PCBP3: variants seen among roughly 807,000 people sequenced by gnomAD.
PCBP3 encodes poly(rC) binding protein 3.
In PCBP3, 25 loss-of-function variants were observed where a neutral mutation model predicts 52.7. The observed-to-expected ratio is 0.47, with a 90% confidence interval of 0.35 to 0.66. The LOEUF is 0.66. PCBP3 is among the 30% of genes least tolerant of loss of function. PCBP3 has a pLI of 0.01. For synonymous variants in PCBP3, 162 were observed against 183.0 expected (o/e 0.89, Z 0.93); for missense variants, 391 against 490.3 (o/e 0.80, Z 1.91).
intron 15 of PCBP3, among the ~76,000 whole-genome samples, chr21:45,933,918 G>T (rs894522833): frequency 6.6e-6 from 1 of 152,196 alleles, no homozygotes; most frequent in Non-Finnish European, 1.5e-5. Flanking sequence ...GCAGGGCAGA[G>T]GTGGTGGGGA....
chr21:45,907,897 G>A (rs922246462), intron 9 of PCBP3, among the ~76,000 whole-genome samples: 3 of 151,606 alleles, frequency 2.0e-5, no homozygotes, highest in Non-Finnish European at 2.9e-5. Flanking sequence ...GGAAAAGGAG[G>A]GAGAGCTTAC....
Position 45,837,681 on chromosome 21 carries a change from G to T in PCBP3, c.-125-12280G>T, listed in dbSNP as rs772446109. ...ATTTGCCCTGGTAGGTCTGAGGTGC[G>T]ATTCCACTCAGATTTATTTTTCCTG... On this transcript the variant is annotated intron_variant, in intron 4 of 17. Coordinates refer to ENST00000681687, the MANE Select transcript of PCBP3 (RefSeq NM_001384156.1). The surrounding 1 kb of genome is among the most constrained non-coding windows in gnomAD (Gnocchi z 4.1). Among the ~76,000 whole-genome samples, 1 of 152,298 alleles carries T rather than the reference G, an allele frequency of 6.6e-6. No homozygotes were observed. Among genetic ancestry groups the T allele is most frequent in the East Asian group, 1.9e-4 (1 of 5,176 alleles).
chr21:45,646,101 C>CTGTG (rs1409409428), intron 1 of PCBP3, among the ~76,000 whole-genome samples: 36 of 76,516 alleles, frequency 4.7e-4, no homozygotes, highest in South Asian at 2.8e-3. Context: ...CTCTCTCTCT[C>CTGTG]TCTCTCTGTG....
chr21:45,878,530 GA>G (rs2148742293), intron 5 of PCBP3, among the ~76,000 whole-genome samples: 1 of 152,344 alleles, frequency 6.6e-6, no homozygotes, highest in African/African-American at 2.4e-5. Context: ...CAAAGGCTTT[GA>G]CAAGGGGACT....
intron 13 of PCBP3, among the ~76,000 whole-genome samples, chr21:45,919,784 C>A (rs966991330): frequency 6.6e-6 from 1 of 152,212 alleles, no homozygotes; most frequent in Non-Finnish European, 1.5e-5. Context: ...CCCCAGCCTG[C>A]GCCCAGCAGC....
At chr21:45,910,674 C>T (rs1267791869) in intron 10 of PCBP3, among the ~76,000 whole-genome samples, 2 of 152,148 alleles carry the variant, frequency 1.3e-5, no homozygotes, top group Non-Finnish European at 2.9e-5. Context: ...TAGCCTTGGC[C>T]AGGTGCCAAG....
intron 4 of PCBP3, among the ~76,000 whole-genome samples, chr21:45,804,503 T>TG (rs910018666): frequency 1.9e-4 from 29 of 152,166 alleles, no homozygotes; most frequent in African/African-American, 7.0e-4. Flanking sequence ...ATCCTAGTCT[T>TG]GGGGGAGATG....
chr21:45,711,300 G>T (rs145583915), intron 2 of PCBP3, among the ~76,000 whole-genome samples: 2 of 152,250 alleles, frequency 1.3e-5, no homozygotes, highest in Non-Finnish European at 2.9e-5. Flanking sequence ...GTAACCATCT[G>T]TATCTTTCTT....
intron 4 of PCBP3, chr21:45,828,199 A>G (rs2093355563): frequency 6.6e-6 from 1 of 152,234 alleles, no homozygotes; most frequent in Non-Finnish European, 1.5e-5. Flanking sequence ...CAGGCAGTGA[A>G]TATGCATGAG....
chr21:45,697,713 C>T (rs2082870105), intron 2 of PCBP3, among the ~76,000 whole-genome samples: 1 of 151,128 alleles, frequency 6.6e-6, no homozygotes, highest in Non-Finnish European at 1.5e-5. Context: ...ACACTGCACT[C>T]CACTGCACTC....
intron 2 of PCBP3, among the ~76,000 whole-genome samples, chr21:45,701,512 A>C (rs2083124330): frequency 6.6e-6 from 1 of 152,238 alleles, no homozygotes; most frequent in South Asian, 2.1e-4. Flanking sequence ...TTACAATAAT[A>C]ATGAACCCAT....
intron 4 of PCBP3, among the ~76,000 whole-genome samples, chr21:45,789,400 G>A (rs892298972): frequency 6.6e-6 from 1 of 152,160 alleles, no homozygotes; most frequent in African/African-American, 2.4e-5. Context: ...GTGTGTGCAT[G>A]TGTTTGTGAT....
At chr21:45,780,304 A>G (rs986033150) in intron 4 of PCBP3, among the ~76,000 whole-genome samples, 5 of 152,216 alleles carry the variant, frequency 3.3e-5, no homozygotes. Context: ...GCTCTTCAAG[A>G]TACACTGTTG....
chr21:45,683,787 G>C (rs377345087), intron 2 of PCBP3, among the ~76,000 whole-genome samples: 1 of 151,986 alleles, frequency 6.6e-6, no homozygotes, highest in East Asian at 1.9e-4. Context: ...TGATCCCGGC[G>C]TGGTAGCAGG....
At position 45,941,818 on chromosome 21, in the gene PCBP3, TTTC is replaced by T; in HGVS notation, c.*115_*117del. The T allele has an allele frequency of 1.2e-6, 1 of 805,034 alleles. No homozygotes were observed. The highest frequency in any genetic ancestry group is 1.9e-6 in the Non-Finnish European group (1 of 521,648). 49.9% of individuals were successfully genotyped at this position (805,034 alleles called of 1,614,324 possible). On this transcript the variant is annotated 3_prime_UTR_variant, in exon 18 of 18. Transcript: ENST00000681687. ...GCCTCACAGATACCAATAGAGAGGT[TTTC>T]TTAATTAACAAAAGGACGTATGCCA...
chr21:45,913,890 C>G (rs1460291734), intron 11 of PCBP3, 61 bp from the exon 12 acceptor site: 4 of 1,506,076 alleles, frequency 2.7e-6, no homozygotes, highest in Admixed American at 1.8e-5. Flanking sequence ...GCACGCCTCC[C>G]CATTGCCAGG....
chr21:45,785,430 C>T (rs565902826), intron 4 of PCBP3, among the ~76,000 whole-genome samples: 14 of 150,072 alleles, frequency 9.3e-5, no homozygotes, highest in Admixed American at 2.6e-4. Context: ...TGAGGAGCCC[C>T]TCTGCCTGGC....
At chr21:45,723,480 C>A (rs528084958) in intron 2 of PCBP3, among the ~76,000 whole-genome samples, 3 of 152,168 alleles carry the variant, frequency 2.0e-5, no homozygotes, top group African/African-American at 4.8e-5. Context: ...TTAATAAGTT[C>A]ATGTACTAAC....
chr21:45,776,134 C>A (rs2090234503), intron 4 of PCBP3, among the ~76,000 whole-genome samples: 1 of 151,938 alleles, frequency 6.6e-6, no homozygotes, highest in Non-Finnish European at 1.5e-5. Flanking sequence ...TCCAAAGTTC[C>A]TGTTGGTATT....
Sources: gnomAD v4.1 joint callset for allele counts (sites outside exome capture counted in the v4.1 genomes callset) on GRCh38, gnomAD v4.1.1 for gene constraint, Gnocchi (gnomAD v3.1) non-coding constraint, MANE v1.5 for transcripts, NCBI Gene and HGNC (gene_info 2026-07-23, HGNC 2026-07-21) for gene names.